Variants in DDB2 observed in about 807,000 individuals in gnomAD.
DDB2 encodes damage specific DNA binding protein 2.
Under a neutral mutation model 50.5 loss-of-function variants are expected in DDB2, and 27 were observed. The ratio of observed to expected loss-of-function variants is 0.53; its 90% CI spans 0.39 to 0.74. DDB2 has a LOEUF of 0.74. DDB2 is among the 30% of genes least tolerant of loss of function. The pLI is 0.00. For synonymous variants in DDB2, 176 were observed against 205.5 expected, an observed-to-expected ratio of 0.86 and a Z score of 1.23; for missense variants, 424 against 545.6, an observed-to-expected ratio of 0.78 and a Z score of 2.22.
In DDB2 at chr11:47,235,319, C is replaced by T. The variant is rs549041558; in HGVS notation, c.930C>T (p.Ser310=). The T allele has an allele frequency of 8.1e-6, 13 of 1,614,036 alleles. No homozygotes were observed. The East Asian group carries it at 8.9e-5, about 11-fold the overall frequency. ...GGCTCCTGACCACGGACCAGAAGAG[C>T]GAGATCCGAGTTTACTCTGCTTCCC... ...GARLLTTDQK[S]EIRVYSASQW... Residue 310 remains serine (S), a synonymous_variant, in exon 7 of 10, where the codon AGC becomes AGT. Coordinates refer to ENST00000256996, the MANE Select transcript of DDB2 (RefSeq NM_000107.3).
chr11:47,214,968 C>T, upstream of DDB2: 1 of 971,114 alleles, frequency 1.0e-6, no homozygotes, highest in Middle Eastern at 2.4e-4. Context: ...GCCGGAGCTC[C>T]AAGCTGGTTT....
At position 47,215,274 on chromosome 11, in the gene DDB2, T is replaced by C; in HGVS notation, c.127+11T>C. Reference sequence around the variant, plus strand: ...GTGCGAAGGGCTCCGGTACTGCCTGTGCCTGCTGCTTGAATATTTCCGCCT... The same window carrying C: ...GTGCGAAGGGCTCCGGTACTGCCTGCGCCTGCTGCTTGAATATTTCCGCCT... On this transcript the variant is annotated intron_variant, in intron 1 of 9. Transcript: ENST00000256996. 6.2e-7 allele frequency: 1 copy of C among 1,613,812 alleles called. No individual in the cohort carries two copies.
At position 47,238,793 on chromosome 11, in the gene DDB2, T is replaced by C; in HGVS notation, c.1235-7T>C. 1 of 1,613,686 alleles carries C rather than the reference T, an allele frequency of 6.2e-7. No homozygotes were observed. Among genetic ancestry groups the C allele is most frequent in the Non-Finnish European group, 8.5e-7 (1 of 1,179,836 alleles). On this transcript the variant is annotated splice_region_variant and splice_polypyrimidine_tract_variant and intron_variant, in intron 9 of 9. Transcript: ENST00000256996. Reference sequence around the variant, plus strand: ...AGTGTAAGTCAGACTGGTCTCACTCTTCCTAGGTTACCACATTCTCATCTG... The same window carrying C: ...AGTGTAAGTCAGACTGGTCTCACTCCTCCTAGGTTACCACATTCTCATCTG...
At chr11:47,227,891 C>T (rs2135501015) in intron 3 of DDB2, among the ~76,000 whole-genome samples, 1 of 152,022 alleles carries the variant, frequency 6.6e-6, no homozygotes, top group Middle Eastern at 3.4e-3. Flanking sequence ...CCTGTAATTC[C>T]AGCACTTTGG....
chr11:47,228,642 CAAAAAA>C (rs61273211), intron 3 of DDB2, among the ~76,000 whole-genome samples: 1 of 66,946 alleles, frequency 1.5e-5, no homozygotes, highest in Non-Finnish European at 3.0e-5. Flanking sequence ...GACTCTGTCT[CAAAAAA>C]AAAAAAAAAA....
At position 47,226,278 on chromosome 11, in the gene DDB2, C is replaced by CTTTT. The variant is rs759607243; in HGVS notation, c.457-6524_457-6521dup. On this transcript the variant is annotated intron_variant, in intron 3 of 9. Coordinates refer to ENST00000256996, the MANE Select transcript of DDB2 (RefSeq NM_000107.3). Reference sequence around the variant, plus strand: ...CTACTTCCCCACCAACATTTATTTTCTTTTTTTTTTTTTTTGAGATGAAGT... The same window carrying CTTTT: ...CTACTTCCCCACCAACATTTATTTTCTTTTTTTTTTTTTTTTTTTGAGATGAAGT... Among the ~76,000 whole-genome samples the CTTTT allele has an allele frequency of 5.5e-4, 77 of 139,270 alleles. 1 individual carries two copies. The highest frequency in any genetic ancestry group is 1.6e-3 in the South Asian group (7 of 4,390). 91.4% of individuals were successfully genotyped at this position (139,270 alleles called of 152,430 possible).
chr11:47,238,980 G>T lies in DDB2; in HGVS notation c.*131G>T. The stretch of plus-strand genomic sequence containing the variant: ...GGTTAGGGTTGGAGCAGGGGTGCTG[G>T]GACCTGGGGCACTGTGGGACTGGGA... On this transcript the variant is annotated 3_prime_UTR_variant, in exon 10 of 10. Transcript: ENST00000256996. The T allele has an allele frequency of 1.1e-6, 1 of 920,754 alleles. No individual in the cohort carries two copies. The highest frequency in any genetic ancestry group is 1.4e-5 in the South Asian group (1 of 70,442). 57.0% of individuals were successfully genotyped at this position (920,754 alleles called of 1,614,324 possible). A position where few individuals can be genotyped will look rare whatever the true frequency, so the allele number is the denominator to read the frequency against.
intron 7 of DDB2, among the ~76,000 whole-genome samples, chr11:47,236,623 T>C (rs1187888713): frequency 1.3e-5 from 2 of 152,216 alleles, no homozygotes; most frequent in Non-Finnish European, 2.9e-5. Flanking sequence ...ACTGATAGGG[T>C]TGTTGTGAAG....
At chr11:47,216,249 G>A (rs769864556) in intron 1 of DDB2, 87 bp from the exon 2 acceptor site, 7 of 1,599,922 alleles carry the variant, frequency 4.4e-6, no homozygotes, top group African/African-American at 2.7e-5. Flanking sequence ...TAACCGTGCC[G>A]AATGAAACAA....
In DDB2 at chr11:47,219,222, C is replaced by T. The variant is rs1002410336; in HGVS notation, c.456+2173C>T. ...CCTCCCAAAGTGCTGGGATTACAGG[C>T]GTGAGCCACCGCCCCCAGCCAACTT... is the stretch of plus-strand genomic sequence containing the variant. On this transcript the variant is annotated intron_variant, in intron 3 of 9. Transcript: ENST00000256996. Among the ~76,000 whole-genome samples the T allele has an allele frequency of 8.5e-5, 13 of 152,298 alleles. No homozygotes were observed. The South Asian group carries it at 1.9e-3, about 22-fold the overall frequency.
At chr11:47,225,607 A>C (rs1014772724) in intron 3 of DDB2, among the ~76,000 whole-genome samples, 6 of 152,116 alleles carry the variant, frequency 3.9e-5, no homozygotes, top group Non-Finnish European at 7.4e-5. Context: ...TAAAAAAAAA[A>C]AACAAAAAAC....
chr11:47,222,952 C>A (rs1033522979), intron 3 of DDB2, among the ~76,000 whole-genome samples: 3 of 152,090 alleles, frequency 2.0e-5, no homozygotes, highest in African/African-American at 7.2e-5. Flanking sequence ...TTTCTTTCTG[C>A]CTGAAGAAAT....
intron 3 of DDB2, among the ~76,000 whole-genome samples, chr11:47,224,157 T>G (rs1361194333): frequency 6.6e-6 from 1 of 152,200 alleles, no homozygotes; most frequent in Non-Finnish European, 1.5e-5. Flanking sequence ...GTCTATGTAA[T>G]TTTTCTTCTG....
In DDB2 at chr11:47,216,969, A is replaced by T; in HGVS notation, c.376A>T (p.Thr126Ser). 1 of 1,613,948 alleles carries T rather than the reference A, an allele frequency of 6.2e-7. No homozygotes were observed. Among genetic ancestry groups the T allele is most frequent in the Non-Finnish European group, 8.5e-7 (1 of 1,179,846 alleles). ...SLAWHPTHPS[T>S]VAVGSKGGDI... is the part of the protein sequence containing the mutation. ...GGCGTGGCACCCAACTCACCCCAGC[A>T]CCGTGGCTGTGGGTTCCAAAGGGGG... The change falls in exon 3 of 10, where the codon ACC (threonine) becomes TCC (serine). Residue 126 changes from threonine to serine, a missense_variant. Transcript: ENST00000256996.
chr11:47,214,951 G>A, upstream of DDB2: 1 of 787,310 alleles, frequency 1.3e-6, no homozygotes, highest in South Asian at 1.7e-5. Flanking sequence ...TCTCCGAGAC[G>A]GGTGGGGCCG....
intron 3 of DDB2, among the ~76,000 whole-genome samples, chr11:47,224,920 C>T (rs1008264866): frequency 6.6e-6 from 1 of 151,732 alleles, no homozygotes; most frequent in East Asian, 1.9e-4. Flanking sequence ...TTCCATTTCT[C>T]TCCTCATATT....
At chr11:47,233,091 T>A in intron 4 of DDB2, 132 bp downstream of exon 4, 1 of 1,074,586 alleles carries the variant, frequency 9.3e-7, no homozygotes, top group Non-Finnish European at 1.4e-6. Context: ...CTTTCCGCCC[T>A]TCTTTCTCTT....
intron 3 of DDB2, among the ~76,000 whole-genome samples, chr11:47,229,009 CTATCTA>C (rs1953605062): frequency 1.3e-5 from 2 of 149,468 alleles, no homozygotes; most frequent in African/African-American, 4.9e-5. Flanking sequence ...ATCTATCTAT[CTATCTA>C]TCTATCTTCC....
chr11:47,217,266 C>T (rs2135486246), intron 3 of DDB2: 1 of 441,520 alleles, frequency 2.3e-6, no homozygotes, highest in Non-Finnish European at 4.3e-6. Flanking sequence ...ATCCCAGCTA[C>T]TCAGGAGGCT....
Sources: allele counts gnomAD v4.1 joint callset (sites outside exome capture counted in the v4.1 genomes callset), GRCh38; gene constraint gnomAD v4.1.1; transcripts MANE v1.5; gene names NCBI Gene and HGNC (gene_info 2026-07-23, HGNC 2026-07-21).